Variants in DENND10 observed in about 807,000 individuals in gnomAD.
DENND10 encodes DENN domain-containing protein 10.
Under a neutral mutation model 43.6 loss-of-function variants are expected in DENND10, and 24 were observed. The ratio of observed to expected loss-of-function variants is 0.55; its 90% CI spans 0.40 to 0.77. The LOEUF (loss-of-function observed/expected upper bound fraction) is 0.77, where lower values mean the gene tolerates loss of function less well. Ranked by LOEUF, DENND10 falls within the 30% of genes least tolerant of loss-of-function variation. The pLI is 0.00. For missense variants in DENND10, 303 were observed against 429.9 expected, an observed-to-expected ratio of 0.70 and a Z score of 2.61; for synonymous variants, 125 against 157.6, an observed-to-expected ratio of 0.79 and a Z score of 1.55.
chr10:119,128,131 G>A (rs1845913370), intron 6 of DENND10, among the ~76,000 whole-genome samples: 1 of 152,030 alleles, frequency 6.6e-6, no homozygotes, highest in Non-Finnish European at 1.5e-5. Flanking sequence ...TGACCAATAT[G>A]GTGAAACCCT....
chr10:119,118,607 G>A (rs902933736), intron 4 of DENND10, among the ~76,000 whole-genome samples: 1 of 152,148 alleles, frequency 6.6e-6, no homozygotes, highest in Non-Finnish European at 1.5e-5. Context: ...TGAGGTGGTA[G>A]GTGTTTGTCA....
intron 6 of DENND10, among the ~76,000 whole-genome samples, chr10:119,124,456 A>G (rs1422003442): frequency 2.0e-5 from 3 of 151,418 alleles, no homozygotes; most frequent in Admixed American, 6.6e-5. Context: ...CACAAGAATC[A>G]CTTGAACCCA....
At position 119,136,710 on chromosome 10, in the gene DENND10, T is replaced by G; in HGVS notation, c.*63T>G. ...GCCCTCTTTCACTCTGATTACCCAC[T>G]CACTACATGAAGTCCTGAAAATAAC... On this transcript the variant is annotated 3_prime_UTR_variant, in exon 9 of 9. Transcript: ENST00000361432. 1.3e-6 allele frequency: 1 copy of G among 757,384 alleles called. No individual in the cohort carries two copies. Among genetic ancestry groups the G allele is most frequent in the South Asian group, 2.0e-5 (1 of 49,360 alleles). The allele number at this position is 757,384 out of a possible 1,614,324, so 46.9% of individuals were successfully genotyped here.
intron 3 of DENND10, among the ~76,000 whole-genome samples, chr10:119,115,636 G>A (rs1199143620): frequency 2.0e-5 from 3 of 150,242 alleles, no homozygotes; most frequent in East Asian, 2.0e-4. Context: ...TGATCCGCCC[G>A]CCTCGGCCTC....
intron 1 of DENND10, among the ~76,000 whole-genome samples, chr10:119,106,670 G>A (rs532239878): frequency 2.8e-4 from 43 of 152,276 alleles, no homozygotes; most frequent in African/African-American, 9.9e-4. Context: ...TCACACAGTT[G>A]GTATGCAACA....
chr10:119,120,115 G>A (rs932939054), intron 4 of DENND10, among the ~76,000 whole-genome samples: 2 of 30,142 alleles, frequency 6.6e-5, no homozygotes, highest in African/African-American at 9.5e-5. Flanking sequence ...AGGTGTGGTG[G>A]TGTGTGCCTG....
intron 4 of DENND10, among the ~76,000 whole-genome samples, chr10:119,118,387 C>T (rs922687554): frequency 2.6e-5 from 4 of 152,158 alleles, no homozygotes; most frequent in Non-Finnish European, 5.9e-5. Context: ...CTGAAGAGCC[C>T]AAGGCCTTGA....
intron 3 of DENND10, 82 bp from the exon 4 acceptor site, chr10:119,117,437 G>A (rs1256784942): frequency 1.4e-6 from 2 of 1,439,350 alleles, no homozygotes; most frequent in Non-Finnish European, 1.9e-6. Flanking sequence ...TCTTGAGAAG[G>A]CACCCATACC....
intron 2 of DENND10, among the ~76,000 whole-genome samples, chr10:119,109,818 A>G (rs1190684629): frequency 6.7e-6 from 1 of 150,056 alleles, no homozygotes; most frequent in Non-Finnish European, 1.5e-5. Context: ...TCAATTTTTA[A>G]TTTTTATTTT....
chr10:119,132,402 G>T lies in DENND10; in HGVS notation c.803-113G>T. The stretch of plus-strand genomic sequence containing the variant: ...TAGTGATAAAATGGACATGTGGGAG[G>T]TTATCAGCTGCTTTTTGAAAATTCC... On this transcript the variant is annotated intron_variant, in intron 7 of 8. Coordinates refer to ENST00000361432, the MANE Select transcript of DENND10 (RefSeq NM_207009.4). The surrounding 1 kb of genome is among the most constrained non-coding windows in gnomAD (Gnocchi z 4.2). 1 of 790,964 alleles carries T rather than the reference G, an allele frequency of 1.3e-6. No individual in the cohort carries two copies. Among genetic ancestry groups the T allele is most frequent in the Admixed American group, 1.8e-5 (1 of 54,076 alleles). The allele number at this position is 790,964 out of a possible 1,614,324, so 49.0% of individuals were successfully genotyped here. A position where few individuals can be genotyped will look rare whatever the true frequency, so the allele number is the denominator to read the frequency against.
chr10:119,125,501 C>CTTTTTTTT lies in DENND10; in HGVS notation c.694+1949_694+1956dup, dbSNP rs34630434. On this transcript the variant is annotated intron_variant, in intron 6 of 8. Coordinates refer to ENST00000361432, the MANE Select transcript of DENND10 (RefSeq NM_207009.4). ...ACATTGTGATTCCACTTCTAGTTTT[C>CTTTTTTTT]TTTTTTTTTTTTTTTTTTTTTTTTG... Among the ~76,000 whole-genome samples, 290 of 65,868 alleles carry CTTTTTTTT rather than the reference C, an allele frequency of 4.4e-3. 1 individual carries two copies. Among genetic ancestry groups the CTTTTTTTT allele is most frequent in the Non-Finnish European group, 5.9e-3 (208 of 35,214 alleles). 43.2% of individuals were successfully genotyped at this position (65,868 alleles called of 152,430 possible). A position where few individuals can be genotyped will look rare whatever the true frequency, so the allele number is the denominator to read the frequency against.
At chr10:119,126,588 C>T (rs1038895212) in intron 6 of DENND10, among the ~76,000 whole-genome samples, 6 of 152,170 alleles carry the variant, frequency 3.9e-5, no homozygotes, top group African/African-American at 1.4e-4. Flanking sequence ...TCTCAGCCTC[C>T]TGAGTAGCTG....
intron 2 of DENND10, among the ~76,000 whole-genome samples, chr10:119,111,543 T>C (rs977091439): frequency 7.9e-5 from 12 of 152,136 alleles, no homozygotes; most frequent in African/African-American, 2.9e-4. Flanking sequence ...TTCTTTCTTG[T>C]ACTTTGATGA....
At chr10:119,134,707 TAA>T (rs1264095427) in intron 8 of DENND10, 1 of 152,032 alleles carries the variant, frequency 6.6e-6, no homozygotes, top group African/African-American at 2.4e-5. Flanking sequence ...CCAAAAGGAA[TAA>T]AGCCTGCGTG....
At chr10:119,127,949 T>C (rs1310785836) in intron 6 of DENND10, among the ~76,000 whole-genome samples, 1 of 152,118 alleles carries the variant, frequency 6.6e-6, no homozygotes, top group Non-Finnish European at 1.5e-5. Context: ...TAACTGTCCT[T>C]GCTTGGTAAA....
rs9664176 is a variant in DENND10, at chr10:119,106,180, G to A, written c.56-1788G>A. On this transcript the variant is annotated intron_variant, in intron 1 of 8. Transcript: ENST00000361432. Reference sequence around the variant, plus strand: ...GGAGGTTGCAGTGAGCTGAGATTGCGCCACCGCACTGCAGCCCAAGTGACA... The same window carrying A: ...GGAGGTTGCAGTGAGCTGAGATTGCACCACCGCACTGCAGCCCAAGTGACA... 2.7e-3 allele frequency among the ~76,000 whole-genome samples: 405 copies of A among 152,140 alleles called. 2 individuals are homozygous for A. The highest frequency in any genetic ancestry group is 9.3e-3 in the African/African-American group (385 of 41,516).
At chr10:119,117,723 T>G in intron 4 of DENND10, 56 bp downstream of exon 4, 1 of 1,570,096 alleles carries the variant, frequency 6.4e-7, no homozygotes, top group Non-Finnish European at 8.7e-7. Flanking sequence ...ATCCCAACAC[T>G]TTGGGAGGCC....
intron 1 of DENND10, among the ~76,000 whole-genome samples, chr10:119,105,878 C>T (rs941491222): frequency 6.6e-6 from 1 of 151,894 alleles, no homozygotes; most frequent in African/African-American, 2.4e-5. Context: ...TGAGACCCCC[C>T]CCAACCCCGT....
intron 6 of DENND10, among the ~76,000 whole-genome samples, chr10:119,128,773 A>G (rs1195361006): frequency 6.6e-6 from 1 of 152,130 alleles, no homozygotes; most frequent in Non-Finnish European, 1.5e-5. Context: ...CACGTCTTAC[A>G]TGGCTGGAGC....
Sources: gnomAD v4.1 joint callset for allele counts (sites outside exome capture counted in the v4.1 genomes callset) on GRCh38, gnomAD v4.1.1 for gene constraint, Gnocchi (gnomAD v3.1) non-coding constraint, MANE v1.5 for transcripts, NCBI Gene and HGNC (gene_info 2026-07-23, HGNC 2026-07-21) for gene names.